Variants in NRXN3 observed in about 807,000 individuals in gnomAD.
NRXN3 encodes the protein neurexin 3, also known as neurexin III.
NRXN3 carries 32 observed loss-of-function variants against 137.6 expected under a neutral mutation model. That is an observed-to-expected ratio of 0.23 (90% confidence interval 0.18 to 0.31). The LOEUF is 0.31. Ranked by LOEUF, NRXN3 falls within the 10% of genes least tolerant of loss-of-function variation. NRXN3 has a pLI of 1.00. For synonymous variants in NRXN3, 798 were observed against 784.5 expected, an observed-to-expected ratio of 1.02 and a Z score of -0.29; for missense variants, 1,574 against 2,062.5, an observed-to-expected ratio of 0.76 and a Z score of 4.59.
chr14:79,044,947 C>T (rs2062740), intron 15 of NRXN3, among the ~76,000 whole-genome samples: 48,958 of 151,706 alleles, frequency 0.32, 8,458 homozygotes, highest in Admixed American at 0.46. Context: ...GCAGCCCATG[C>T]ACCAATGAGA....
chr14:78,463,057 T>A (rs900412726), intron 4 of NRXN3, among the ~76,000 whole-genome samples: 1 of 152,324 alleles, frequency 6.6e-6, no homozygotes, highest in South Asian at 2.1e-4. Context: ...CACCCACGTG[T>A]ACTCATTGTT....
At position 78,943,621 on chromosome 14, in the gene NRXN3, AATATATATATATAT is replaced by A. The variant is rs60429358; in HGVS notation, c.2276-13576_2276-13563del. ...AGCAAGATCACTGTTAAAAAAAAAA[AATATATATATATAT>A]ATATATATATATATATATATATATA... On this transcript the variant is annotated intron_variant, in intron 10 of 20. Coordinates refer to ENST00000335750, the MANE Select transcript of NRXN3 (RefSeq NM_001330195.2). 2.0e-3 allele frequency among the ~76,000 whole-genome samples: 57 copies of A among 27,862 alleles called. 1 individual carries two copies. Among genetic ancestry groups the A allele is most frequent in the Admixed American group, 2.5e-3 (5 of 1,968 alleles). The allele number at this position is 27,862 out of a possible 152,430, so 18.3% of individuals were successfully genotyped here.
chr14:79,741,763 G>C (rs1020321018), intron 19 of NRXN3, among the ~76,000 whole-genome samples: 1 of 151,432 alleles, frequency 6.6e-6, no homozygotes, highest in Non-Finnish European at 1.5e-5. Flanking sequence ...TGGTATTACA[G>C]GTGTGAGCCA....
intron 10 of NRXN3, among the ~76,000 whole-genome samples, chr14:78,932,921 T>C (rs535743848): frequency 1.3e-5 from 2 of 152,306 alleles, no homozygotes; most frequent in South Asian, 4.1e-4. Context: ...GTTGTTGAAT[T>C]ATAAAAATAT....
At chr14:79,461,275 A>G (rs953451100) in intron 15 of NRXN3, among the ~76,000 whole-genome samples, 1 of 152,202 alleles carries the variant, frequency 6.6e-6, no homozygotes, top group Non-Finnish European at 1.5e-5. Context: ...TTAGCAACAG[A>G]TCAAGTTGTT....
intron 10 of NRXN3, among the ~76,000 whole-genome samples, chr14:78,845,826 T>C (rs904072434): frequency 4.6e-5 from 7 of 152,058 alleles, no homozygotes; most frequent in Admixed American, 6.6e-5. Flanking sequence ...TATCTTCATA[T>C]GTTTTTGGGT....
At chr14:79,652,830 C>A (rs1286962522) in intron 16 of NRXN3, among the ~76,000 whole-genome samples, 1 of 151,816 alleles carries the variant, frequency 6.6e-6, no homozygotes, top group Non-Finnish European at 1.5e-5. Flanking sequence ...TAGGGCCGGC[C>A]TTTTTTCGAA....
intron 15 of NRXN3, among the ~76,000 whole-genome samples, chr14:79,018,984 ATCT>A (rs2099584345): frequency 6.6e-6 from 1 of 152,062 alleles, no homozygotes; most frequent in South Asian, 2.1e-4. Context: ...TTGAATTTTT[ATCT>A]TCTTACTCAG....
At chr14:79,535,205 TAAAA>T (rs2097200711) in intron 16 of NRXN3, among the ~76,000 whole-genome samples, 1 of 152,130 alleles carries the variant, frequency 6.6e-6, no homozygotes, top group African/African-American at 2.4e-5. Flanking sequence ...AATTATGAAA[TAAAA>T]CAAAGCAAAG....
At chr14:78,882,409 G>A (rs1299994161) in intron 10 of NRXN3, among the ~76,000 whole-genome samples, 1 of 151,764 alleles carries the variant, frequency 6.6e-6, no homozygotes, top group Admixed American at 6.5e-5. Flanking sequence ...GCCAGGAGGG[G>A]CACTGTACCC....
At chr14:78,760,001 T>C (rs1380999834) in intron 8 of NRXN3, among the ~76,000 whole-genome samples, 1 of 151,326 alleles carries the variant, frequency 6.6e-6, no homozygotes, top group Non-Finnish European at 1.5e-5. Context: ...ACATAGTCTG[T>C]TCAAGGCAAA....
intron 15 of NRXN3, among the ~76,000 whole-genome samples, chr14:79,113,566 A>G (rs1163400854): frequency 2.0e-5 from 3 of 152,158 alleles, no homozygotes; most frequent in African/African-American, 7.2e-5. Context: ...TCACATCACT[A>G]CTAACTTTTT....
At chr14:78,647,567 G>A (rs1407116497) in intron 5 of NRXN3, among the ~76,000 whole-genome samples, 1 of 152,212 alleles carries the variant, frequency 6.6e-6, no homozygotes, top group Non-Finnish European at 1.5e-5. Flanking sequence ...GCAGCTAAGT[G>A]CAATTCTCTG....
intron 6 of NRXN3, among the ~76,000 whole-genome samples, chr14:78,681,767 A>G (rs1046808238): frequency 4.6e-5 from 7 of 152,146 alleles, no homozygotes; most frequent in African/African-American, 1.7e-4. Context: ...ATGTTCTCTT[A>G]TCAGTGAAGG....
chr14:79,493,185 A>G (rs2096733791), intron 16 of NRXN3, among the ~76,000 whole-genome samples: 1 of 152,230 alleles, frequency 6.6e-6, no homozygotes, highest in African/African-American at 2.4e-5. Context: ...AGACAGATCA[A>G]TACCACACAA....
intron 6 of NRXN3, among the ~76,000 whole-genome samples, chr14:78,697,079 C>T (rs1023213690): frequency 2.6e-5 from 4 of 152,034 alleles, no homozygotes; most frequent in African/African-American, 9.7e-5. Flanking sequence ...TGATAGATCA[C>T]GTTTGAGATG....
At chr14:78,226,978 A>C (rs757759027) in intron 1 of NRXN3, among the ~76,000 whole-genome samples, 19 of 152,236 alleles carry the variant, frequency 1.2e-4, no homozygotes, top group Non-Finnish European at 2.1e-4. Context: ...TAATTACTGC[A>C]GGATGAGCCC....
intron 19 of NRXN3, among the ~76,000 whole-genome samples, chr14:79,767,464 C>T (rs2099059889): frequency 1.3e-5 from 2 of 152,178 alleles, no homozygotes; most frequent in Admixed American, 6.5e-5. Context: ...CTGTCATAAC[C>T]TCATGCATTT....
intron 1 of NRXN3, among the ~76,000 whole-genome samples, chr14:78,236,751 G>A (rs1247507895): frequency 1.5e-5 from 2 of 132,260 alleles, no homozygotes; most frequent in Non-Finnish European, 3.2e-5. Context: ...TTTTTTTGAT[G>A]AAGAAAGACT....
Sources: gnomAD v4.1 joint callset for allele counts (sites outside exome capture counted in the v4.1 genomes callset) on GRCh38, gnomAD v4.1.1 for gene constraint, MANE v1.5 for transcripts, NCBI Gene and HGNC (gene_info 2026-07-23, HGNC 2026-07-21) for gene names.